The following DNAH11 variants were observed in gnomAD, a reference collection of about 807,000 sequenced individuals.
DNAH11 encodes the protein dynein axonemal heavy chain 11.
A neutral mutation model predicts 526.0 loss-of-function variants in DNAH11; 442 were observed. The observed-to-expected ratio is 0.84, with a 90% CI of 0.78 to 0.91. The LOEUF is 0.91. Ranked by LOEUF, DNAH11 falls within the 40% of genes least tolerant of loss-of-function variation. DNAH11 has a pLI of 0.00. For synonymous variants in DNAH11, 2,461 were observed against 1,935.9 expected, an observed-to-expected ratio of 1.27 and a Z score of -7.12; for missense variants, 6,989 against 5,448.7, an observed-to-expected ratio of 1.28 and a Z score of -8.90.
intron 28 of DNAH11, among the ~76,000 whole-genome samples, chr7:21,652,660 C>T (rs545662305): frequency 2.0e-5 from 3 of 152,252 alleles, no homozygotes; most frequent in Non-Finnish European, 4.4e-5. Flanking sequence ...ATTCAGATTG[C>T]ATAACGTGAT....
At chr7:21,657,152 A>G (rs904994839) in intron 29 of DNAH11, among the ~76,000 whole-genome samples, 3 of 152,046 alleles carry the variant, frequency 2.0e-5, no homozygotes, top group South Asian at 2.1e-4. Context: ...CCTTTGTTTT[A>G]TAAAAAGATG....
intron 65 of DNAH11, among the ~76,000 whole-genome samples, chr7:21,836,444 A>G (rs1782000828): frequency 6.6e-6 from 1 of 152,082 alleles, no homozygotes; most frequent in Admixed American, 6.6e-5. Flanking sequence ...GAAATCACAC[A>G]CTTATAGTCA....
At chr7:21,816,310 A>C (rs1187021505) in intron 63 of DNAH11, among the ~76,000 whole-genome samples, 157 bp from the exon 64 acceptor site, 1 of 152,214 alleles carries the variant, frequency 6.6e-6, no homozygotes, top group African/African-American at 2.4e-5. Context: ...GTCAAATTGC[A>C]TCTAATGATG....
intron 2 of DNAH11, among the ~76,000 whole-genome samples, chr7:21,548,766 C>A (rs1471197951): frequency 6.6e-6 from 1 of 152,136 alleles, no homozygotes; most frequent in African/African-American, 2.4e-5. Context: ...CTCCTATGGG[C>A]TTATTGAACT....
chr7:21,586,894 A>C (rs911970817), intron 9 of DNAH11, among the ~76,000 whole-genome samples: 1 of 152,186 alleles, frequency 6.6e-6, no homozygotes, highest in Non-Finnish European at 1.5e-5. Flanking sequence ...GAAGCTACAC[A>C]CTGAAGCACA....
At chr7:21,559,148 A>T in intron 3 of DNAH11, 150 bp downstream of exon 3, 2 of 603,386 alleles carry the variant, frequency 3.3e-6, no homozygotes, top group East Asian at 6.0e-5. Flanking sequence ...GCATAGTGAG[A>T]TCTCATCTCC....
rs1783201877 is a variant in DNAH11, at chr7:21,864,643, T to C, written c.11482T>C (p.Trp3828Arg). ...CGTTGACTTCCTAACTTCTCAGTCATGGAGTGCTATCAAGGTATGTTAGGA... is the reference window on the plus strand; with the variant it reads ...CGTTGACTTCCTAACTTCTCAGTCACGGAGTGCTATCAAGGTATGTTAGGA... Reference protein sequence around the residue: ...SPVDFLTSQSWSAIKAIAVME... With the variant: ...SPVDFLTSQSRSAIKAIAVME... The change falls in exon 70 of 82, where the codon TGG (tryptophan) becomes CGG (arginine). Residue 3828 changes from tryptophan (W) to arginine (R), a missense_variant. Physicochemically the swap from Trp to Arg is moderately radical, Grantham distance 101. Transcript: ENST00000409508. 5 of 1,603,312 alleles carry C rather than the reference T, an allele frequency of 3.1e-6. No individual in the cohort carries two copies. Among genetic ancestry groups the C allele is most frequent in the African/African-American group, 1.3e-5 (1 of 74,596 alleles).
chr7:21,606,534 T>C lies in DNAH11; in HGVS notation c.3757T>C (p.Leu1253=). ...EVTLIRKKCI[L]FDAKQAEFRE... ...CACTCTTATAAGGAAAAAATGTATT[T>C]TGTTTGACGTAAGCTAGTTACCAAG... The change falls in exon 19 of 82, where the codon TTG becomes CTG. Residue 1253 remains leucine, a synonymous_variant. Transcript: ENST00000409508. 6.2e-7 allele frequency: 1 copy of C among 1,608,986 alleles called. No homozygotes were observed. Among genetic ancestry groups the C allele is most frequent in the Non-Finnish European group, 8.5e-7 (1 of 1,178,378 alleles).
At chr7:21,894,312 A>G (rs1784430319) in intron 77 of DNAH11, among the ~76,000 whole-genome samples, 1 of 152,174 alleles carries the variant, frequency 6.6e-6, no homozygotes, top group African/African-American at 2.4e-5. Context: ...GTAGCTGATG[A>G]CAGTTCTATA....
At chr7:21,726,906 A>C (rs1386833733) in intron 45 of DNAH11, among the ~76,000 whole-genome samples, 1 of 120,270 alleles carries the variant, frequency 8.3e-6, no homozygotes, top group Non-Finnish European at 1.7e-5. Flanking sequence ...GCTTAGTGAG[A>C]TGTCTGTTAT....
At chr7:21,561,192 C>T (rs780704472) in intron 5 of DNAH11, 22 bp downstream of exon 5, 17 of 1,529,614 alleles carry the variant, frequency 1.1e-5, no homozygotes, top group African/African-American at 2.7e-5. Context: ...GTTCCTCAGC[C>T]TGGCATCAAT....
intron 22 of DNAH11, among the ~76,000 whole-genome samples, chr7:21,616,770 T>C (rs552097186): frequency 6.6e-6 from 1 of 152,288 alleles, no homozygotes; most frequent in Admixed American, 6.5e-5. Context: ...GCTCAACATA[T>C]ACAGAACTGA....
intron 55 of DNAH11, among the ~76,000 whole-genome samples, chr7:21,767,984 C>G (rs750638796): frequency 6.6e-6 from 1 of 152,022 alleles, no homozygotes; most frequent in Admixed American, 6.6e-5. Flanking sequence ...TGTGTGTTGG[C>G]GTGTAATTTT....
At chr7:21,707,487 A>G (rs1784313456) in intron 39 of DNAH11, among the ~76,000 whole-genome samples, 1 of 152,236 alleles carries the variant, frequency 6.6e-6, no homozygotes, top group Non-Finnish European at 1.5e-5. Flanking sequence ...GAGTCAAGTG[A>G]ACTGATTCTG....
intron 46 of DNAH11, 136 bp downstream of exon 46, chr7:21,735,980 T>A (rs554980570): frequency 1.2e-6 from 1 of 838,122 alleles, no homozygotes; most frequent in South Asian, 2.4e-5. Flanking sequence ...TTTGTACTTA[T>A]CATCCTTGTT....
intron 42 of DNAH11, among the ~76,000 whole-genome samples, chr7:21,714,988 G>C (rs10485974): frequency 0.01 from 1,576 of 152,250 alleles, 15 homozygotes; most frequent in African/African-American, 0.021. Flanking sequence ...ACTTTCACCT[G>C]TATCAAATGA....
At chr7:21,823,068 A>C (rs1463192055) in intron 65 of DNAH11, among the ~76,000 whole-genome samples, 1 of 137,610 alleles carries the variant, frequency 7.3e-6, no homozygotes, top group Non-Finnish European at 1.5e-5. Context: ...CCCATTCTGT[A>C]GGTTGTCTCT....
intron 34 of DNAH11, among the ~76,000 whole-genome samples, chr7:21,688,876 C>G (rs1783496845): frequency 6.6e-6 from 1 of 152,178 alleles, no homozygotes. Context: ...CTCTTTGTAA[C>G]ATTTTTATCA....
In DNAH11 at chr7:21,593,688, A is replaced by G. The variant is rs73070447; in HGVS notation, c.2667+2111A>G. Among the ~76,000 whole-genome samples, 60 of 152,204 alleles carry G rather than the reference A, an allele frequency of 3.9e-4. 1 individual carries two copies. The highest frequency in any genetic ancestry group is 1.3e-3 in the African/African-American group (54 of 41,522). On this transcript the variant is annotated intron_variant, in intron 14 of 81. Transcript: ENST00000409508. ...GGAATGTGGTGCTCACAGATGTGCA[A>G]TGCTGATGATGGGAACATGGGGAGT...
Sources: allele counts gnomAD v4.1 joint callset (sites outside exome capture counted in the v4.1 genomes callset), GRCh38; gene constraint gnomAD v4.1.1; transcripts MANE v1.5; gene names NCBI Gene and HGNC (gene_info 2026-07-23, HGNC 2026-07-21).